The following RAB3IL1 variants were observed in gnomAD, a reference collection of about 807,000 sequenced individuals.
RAB3IL1 encodes RAB3A interacting protein like 1.
In RAB3IL1, 37 loss-of-function variants were observed where a neutral mutation model predicts 49.2. That is an observed-to-expected ratio of 0.75 (90% CI 0.58 to 0.99). The LOEUF (loss-of-function observed/expected upper bound fraction) is 0.99. Ranked by LOEUF, RAB3IL1 falls within the 50% of genes least tolerant of loss-of-function variation. The pLI is 0.00. For synonymous variants in RAB3IL1, 193 were observed against 213.9 expected, an observed-to-expected ratio of 0.90 and a Z score of 0.85; for missense variants, 484 against 513.0, an observed-to-expected ratio of 0.94 and a Z score of 0.55.
chr11:61,909,094 C>T lies in RAB3IL1; in HGVS notation c.12-788G>A, dbSNP rs1271225717. Among the ~76,000 whole-genome samples the T allele has an allele frequency of 1.1e-3, 172 of 152,336 alleles. 1 individual carries two copies. The highest frequency in any genetic ancestry group is 1.2e-4 in the Non-Finnish European group (8 of 68,036). ...GAAGGGAGGGCGAGGGCCCGGCCAG[C>T]GGTGTTTTGTGCCAAGACAGCACCT... On this transcript the variant is annotated intron_variant, in intron 1 of 9. Coordinates refer to ENST00000394836, the MANE Select transcript of RAB3IL1 (RefSeq NM_013401.4).
At chr11:61,944,238 C>CCTTCCTTCCTTCCTTCCTTT in the RAB3IL1 span, among the ~76,000 whole-genome samples, 11 of 142,036 alleles carry the variant, frequency 7.7e-5, no homozygotes, top group Admixed American at 1.5e-4. Context: ...TTCCTTCCTT[C>CCTTCCTTCCTTCCTTCCTTT]CTTCCTTCCT....
At chr11:61,930,749 T>A in the RAB3IL1 span, among the ~76,000 whole-genome samples, 1 of 152,110 alleles carries the variant, frequency 6.6e-6, no homozygotes, top group Non-Finnish European at 1.5e-5. Context: ...CTGCACTCAG[T>A]CTGGGCAACA....
At chr11:61,917,893 C>T (rs1939779599), upstream of RAB3IL1, among the ~76,000 whole-genome samples, 1 of 152,056 alleles carries the variant, frequency 6.6e-6, no homozygotes, top group African/African-American at 2.4e-5. Context: ...AGACACCCTC[C>T]CCCCTCCTCA....
the RAB3IL1 span, among the ~76,000 whole-genome samples, chr11:61,929,064 G>A: frequency 1.3e-5 from 2 of 152,072 alleles, no homozygotes; most frequent in African/African-American, 4.8e-5. Flanking sequence ...CATATTTGTG[G>A]GGTATATGTG....
chr11:61,936,719 AT>A, the RAB3IL1 span, among the ~76,000 whole-genome samples: 2 of 152,232 alleles, frequency 1.3e-5, no homozygotes, highest in Non-Finnish European at 2.9e-5. Context: ...TTAACAGTTT[AT>A]TTCTCATCAG....
At chr11:61,909,996 G>A (rs1180592821) in intron 1 of RAB3IL1, among the ~76,000 whole-genome samples, 2 of 152,164 alleles carry the variant, frequency 1.3e-5, no homozygotes, top group African/African-American at 4.8e-5. Flanking sequence ...CTCCAGCCTG[G>A]GTGACAGAGC....
chr11:61,934,499 A>G, the RAB3IL1 span, among the ~76,000 whole-genome samples: 3 of 84,772 alleles, frequency 3.5e-5, no homozygotes, highest in South Asian at 5.6e-4. Flanking sequence ...TATATATTCT[A>G]TGCCTAAAGA....
chr11:61,906,599 G>A lies in RAB3IL1; in HGVS notation c.524C>T (p.Pro175Leu). 1 of 1,611,018 alleles carries A rather than the reference G, an allele frequency of 6.2e-7. No individual in the cohort carries two copies. Among genetic ancestry groups the A allele is most frequent in the South Asian group, 1.1e-5 (1 of 90,406 alleles). Residue 175 changes from proline (P) to leucine (L), a missense_variant, in exon 5 of 10, where the codon CCC becomes CTC. Transcript: ENST00000394836. This position sits in a 1 kb window ranked among gnomAD's most constrained non-coding sequence, Gnocchi z 4.6. ...GGCCTTGGTGGGGCTCAGCAGCTGG[G>A]GGTGAAGCTCGCGGTTGGGAGAGGC... ...TPASPNRELH[P>L]QLLSPTKAGP...
chr11:61,909,136 A>G (rs576506334), intron 1 of RAB3IL1, among the ~76,000 whole-genome samples: 1 of 152,180 alleles, frequency 6.6e-6, no homozygotes, highest in African/African-American at 2.4e-5. Context: ...TCGCTCACTC[A>G]GCAAAAGCTG....
chr11:61,913,142 A>C (rs1939532341), intron 1 of RAB3IL1, among the ~76,000 whole-genome samples: 1 of 152,036 alleles, frequency 6.6e-6, no homozygotes, highest in Non-Finnish European at 1.5e-5. Flanking sequence ...TTCGGGGAGC[A>C]GCTGCAGCCT....
chr11:61,902,710 G>A (rs1379127236), intron 7 of RAB3IL1, among the ~76,000 whole-genome samples, 169 bp from the exon 8 acceptor site: 1 of 152,174 alleles, frequency 6.6e-6, no homozygotes, highest in Non-Finnish European at 1.5e-5. Context: ...AAGGGAGCTG[G>A]CCCCAGCCAT....
At chr11:61,945,101 C>A in the RAB3IL1 span, among the ~76,000 whole-genome samples, 1 of 152,308 alleles carries the variant, frequency 6.6e-6, no homozygotes, top group Non-Finnish European at 1.5e-5. Context: ...CAGGGAAAGG[C>A]AGCTAAGGCA....
At chr11:61,922,700 C>G (rs549159409), upstream of RAB3IL1, among the ~76,000 whole-genome samples, 1 of 152,160 alleles carries the variant, frequency 6.6e-6, no homozygotes, top group Non-Finnish European at 1.5e-5. Context: ...CCTCACACCC[C>G]ACCCTGCCCC....
At chr11:61,918,331 C>T (rs1939799748), upstream of RAB3IL1, among the ~76,000 whole-genome samples, 2 of 152,348 alleles carry the variant, frequency 1.3e-5, no homozygotes, top group East Asian at 1.9e-4. Context: ...TCTTCTCTCC[C>T]GCCAGGTACC....
chr11:61,899,818 C>T (rs913508685), intron 8 of RAB3IL1: 3 of 195,986 alleles, frequency 1.5e-5, no homozygotes, highest in Non-Finnish European at 3.2e-5. Flanking sequence ...CCAGCCAGGC[C>T]TCAGTCCAGT....
chr11:61,899,609 C>A, intron 8 of RAB3IL1: 5 of 532,250 alleles, frequency 9.4e-6, no homozygotes, highest in Non-Finnish European at 1.7e-5. Context: ...CTGCAGCGAA[C>A]GGAGCAGACG....
chr11:61,904,479 A>C lies in RAB3IL1; in HGVS notation c.899+67T>G, dbSNP rs919186910. 6.2e-4 allele frequency: 891 copies of C among 1,441,772 alleles called. 3 individuals are homozygous for C. Among genetic ancestry groups the C allele is most frequent in the Non-Finnish European group, 8.2e-4 (853 of 1,044,502 alleles). The allele number at this position is 1,441,772 out of a possible 1,614,324, so 89.3% of individuals were successfully genotyped here. ...TGCTGCATCCTGACCACCCCTCGGCACAGTAAACACACGGCTTGGCGGGGC... is the reference window on the plus strand; with the variant it reads ...TGCTGCATCCTGACCACCCCTCGGCCCAGTAAACACACGGCTTGGCGGGGC... On this transcript the variant is annotated intron_variant, in intron 7 of 9. Coordinates refer to ENST00000394836, the MANE Select transcript of RAB3IL1 (RefSeq NM_013401.4).
At position 61,898,226 on chromosome 11, in the gene RAB3IL1, G is replaced by A; in HGVS notation, c.*52C>T. The stretch of plus-strand genomic sequence containing the variant: ...GTCTCCCTGTGTGTCGGCTTGTTCT[G>A]GGGTGGGTGTTTGCTCTGTCTCAGA... On this transcript the variant is annotated 3_prime_UTR_variant, in exon 10 of 10. Coordinates refer to ENST00000394836, the MANE Select transcript of RAB3IL1 (RefSeq NM_013401.4). The surrounding 1 kb of genome is among the most constrained non-coding windows in gnomAD (Gnocchi z 5.1). 4 of 1,538,838 alleles carry A rather than the reference G, an allele frequency of 2.6e-6. No homozygotes were observed. Among genetic ancestry groups the A allele is most frequent in the South Asian group, 1.1e-5 (1 of 89,426 alleles).
At position 61,902,450 on chromosome 11, in the gene RAB3IL1, G is replaced by A. The variant is rs772320713; in HGVS notation, c.991C>T (p.Arg331Trp). The change falls in exon 8 of 10, where the codon CGG becomes TGG. Residue 331 changes from arginine (R) to tryptophan (W), a missense_variant. Coordinates refer to ENST00000394836, the MANE Select transcript of RAB3IL1 (RefSeq NM_013401.4). Reference sequence around the variant, plus strand: ...TGCAAAGGCTGACTCACCCTGGCCCGGGAAGATGGCGAGATGTAGTAATGG... The same window carrying A: ...TGCAAAGGCTGACTCACCCTGGCCCAGGAAGATGGCGAGATGTAGTAATGG... ...KSHYYISPSS[R>W]ARITAVCNFF... The A allele has an allele frequency of 8.8e-6, 14 of 1,591,640 alleles. No homozygotes were observed. The highest frequency in any genetic ancestry group is 1.3e-5 in the African/African-American group (1 of 74,816).
Sources: allele counts gnomAD v4.1 joint callset (sites outside exome capture counted in the v4.1 genomes callset), GRCh38; gene constraint gnomAD v4.1.1; non-coding constraint Gnocchi (gnomAD v3.1); transcripts MANE v1.5; gene names NCBI Gene and HGNC (gene_info 2026-07-23, HGNC 2026-07-21).